PRKCE: variants seen among roughly 807,000 people sequenced by gnomAD.
PRKCE encodes protein kinase C epsilon type.
PRKCE carries 16 observed loss-of-function variants against 85.4 expected under a neutral mutation model. That is an observed-to-expected ratio of 0.19 (90% confidence interval 0.13 to 0.28). PRKCE has a LOEUF of 0.28. Among genes scored for constraint, PRKCE ranks in the 10% least tolerant of loss-of-function variants. The pLI is 1.00. For missense variants in PRKCE, 573 were observed against 975.2 expected (o/e 0.59, Z 5.49); for synonymous variants, 388 against 371.5 (o/e 1.04, Z -0.51).
intron 11 of PRKCE, among the ~76,000 whole-genome samples, chr2:46,120,644 A>G (rs570480713): frequency 8.1e-4 from 124 of 152,320 alleles, no homozygotes; most frequent in Non-Finnish European, 2.1e-4. Context: ...TAGATGATGT[A>G]GGCTTTTTTA....
At chr2:45,889,308 C>G (rs1262042522) in intron 2 of PRKCE, among the ~76,000 whole-genome samples, 5 of 152,096 alleles carry the variant, frequency 3.3e-5, no homozygotes, top group Admixed American at 1.3e-4. Flanking sequence ...GCAGCCAGGA[C>G]AGCAAAGCCC....
chr2:45,778,362 G>A (rs555435132), intron 1 of PRKCE, among the ~76,000 whole-genome samples: 2 of 152,132 alleles, frequency 1.3e-5, no homozygotes, highest in Non-Finnish European at 2.9e-5. Flanking sequence ...ATGCCTGGCC[G>A]CTTAGCTCCG....
intron 2 of PRKCE, among the ~76,000 whole-genome samples, chr2:45,891,713 G>A (rs780289785): frequency 6.6e-6 from 1 of 152,188 alleles, no homozygotes; most frequent in African/African-American, 2.4e-5. Flanking sequence ...GCCTCCAAAT[G>A]TCCGCTAGGC....
At position 45,658,083 on chromosome 2, in the gene PRKCE, A is replaced by C. The variant is rs141917538; in HGVS notation, c.348+5635A>C. 9.4e-4 allele frequency among the ~76,000 whole-genome samples: 143 copies of C among 152,304 alleles called. No individual in the cohort carries two copies. The Middle Eastern group carries it at 0.027, about 29-fold the overall frequency. ...CTGAAACCTCCATTGTCATTTAAACACAGTGGGGTGGGAAGGGACTACTAA... is the reference window on the plus strand; with the variant it reads ...CTGAAACCTCCATTGTCATTTAAACCCAGTGGGGTGGGAAGGGACTACTAA... On this transcript the variant is annotated intron_variant, in intron 1 of 14. Coordinates refer to ENST00000306156, the MANE Select transcript of PRKCE (RefSeq NM_005400.3).
At chr2:45,845,809 A>G (rs1465629306) in intron 2 of PRKCE, 1 of 152,222 alleles carries the variant, frequency 6.6e-6, no homozygotes, top group African/African-American at 2.4e-5. Context: ...TGTTTTGGCT[A>G]AACCAGCCAT....
chr2:45,732,081 C>T (rs879401477), intron 1 of PRKCE, among the ~76,000 whole-genome samples: 16 of 152,230 alleles, frequency 1.1e-4, no homozygotes, highest in South Asian at 2.1e-4. Context: ...ATACAGATGT[C>T]CTAGAGAAGG....
At chr2:45,990,228 A>G (rs894643495) in intron 6 of PRKCE, among the ~76,000 whole-genome samples, 2 of 152,212 alleles carry the variant, frequency 1.3e-5, no homozygotes, top group African/African-American at 4.8e-5. Flanking sequence ...GCTCGCCCAC[A>G]TGGCCACTGA....
rs571993006 is a variant in PRKCE at position 46,104,837 on chromosome 2, G to A, written c.1592+18475G>A. The stretch of plus-strand genomic sequence containing the variant: ...CCTTTTGTACAACCGAAAGACTGGC[G>A]GCTGGGGTTTATCTTTTCCCTTCAA... On this transcript the variant is annotated intron_variant, in intron 11 of 14. Coordinates refer to ENST00000306156, the MANE Select transcript of PRKCE (RefSeq NM_005400.3). Among the ~76,000 whole-genome samples the A allele has an allele frequency of 3.5e-4, 53 of 152,248 alleles. 1 individual carries two copies. Among genetic ancestry groups the A allele is most frequent in the African/African-American group, 1.1e-3 (45 of 41,558 alleles).
intron 1 of PRKCE, among the ~76,000 whole-genome samples, chr2:45,683,542 T>A (rs926730175): frequency 2.0e-5 from 3 of 152,152 alleles, no homozygotes; most frequent in African/African-American, 7.2e-5. Context: ...GAGAGGATGC[T>A]GAAGGATTTT....
intron 1 of PRKCE, among the ~76,000 whole-genome samples, chr2:45,711,285 C>G (rs572333465): frequency 9.9e-5 from 15 of 152,224 alleles, no homozygotes; most frequent in Non-Finnish European, 1.5e-4. Flanking sequence ...CTGCAAGGTA[C>G]TTTCCACAGT....
Position 46,041,356 on chromosome 2 carries a change from T to C in PRKCE, c.1437+30839T>C, listed in dbSNP as rs1232075266. Among the ~76,000 whole-genome samples the C allele has an allele frequency of 1.3e-5, 2 of 152,248 alleles. No individual in the cohort carries two copies. The highest frequency in any genetic ancestry group is 2.9e-5 in the Non-Finnish European group (2 of 68,048). ...CATAAGTCAATATCTGATGCTTTGA[T>C]TTTCTTAAGTCATGTATATTTATAG... On this transcript the variant is annotated intron_variant, in intron 10 of 14. Transcript: ENST00000306156. This position sits in a 1 kb window ranked among gnomAD's most constrained non-coding sequence, Gnocchi z 5.5.
intron 1 of PRKCE, among the ~76,000 whole-genome samples, chr2:45,727,914 A>T (rs1312683221): frequency 1.3e-5 from 2 of 152,108 alleles, no homozygotes; most frequent in African/African-American, 4.8e-5. Flanking sequence ...CGGCCTCCCA[A>T]AGTGCTGAGA....
chr2:46,109,930 A>T (rs1672099407), intron 11 of PRKCE, among the ~76,000 whole-genome samples: 1 of 152,146 alleles, frequency 6.6e-6, no homozygotes, highest in South Asian at 2.1e-4. Context: ...ATTTTGTAAG[A>T]TGCTTCATCT....
At position 45,836,343 on chromosome 2, in the gene PRKCE, T is replaced by C. The variant is rs189296392; in HGVS notation, c.349-6657T>C. 1.2e-4 allele frequency among the ~76,000 whole-genome samples: 19 copies of C among 152,366 alleles called. No homozygotes were observed. In the East Asian group the frequency reaches 3.1e-3, roughly 25 times the overall value. ...AGAATCTTGAACATATTTGATTACA[T>C]GTGTACTCTCTGCTTTTTGACCAGT... On this transcript the variant is annotated intron_variant, in intron 1 of 14. Coordinates refer to ENST00000306156, the MANE Select transcript of PRKCE (RefSeq NM_005400.3).
At chr2:46,110,746 G>C (rs1163770404) in intron 11 of PRKCE, among the ~76,000 whole-genome samples, 1 of 151,124 alleles carries the variant, frequency 6.6e-6, no homozygotes, top group African/African-American at 2.4e-5. Flanking sequence ...GGTTTAAATT[G>C]CTCTTCTTTT....
chr2:45,955,548 G>A (rs950522778), intron 2 of PRKCE, among the ~76,000 whole-genome samples: 5 of 152,180 alleles, frequency 3.3e-5, no homozygotes, highest in African/African-American at 1.2e-4. Context: ...TGCTGGGCTG[G>A]TGGTACTAAC....
chr2:45,686,609 G>A (rs1476249260), intron 1 of PRKCE, among the ~76,000 whole-genome samples: 1 of 152,094 alleles, frequency 6.6e-6, no homozygotes, highest in East Asian at 1.9e-4. Flanking sequence ...TAGAATGGAA[G>A]CAAATGCTTC....
At chr2:46,037,649 C>T (rs934601177) in intron 10 of PRKCE, among the ~76,000 whole-genome samples, 8 of 152,140 alleles carry the variant, frequency 5.3e-5, no homozygotes, top group African/African-American at 1.2e-4. Context: ...AGAAAACAAC[C>T]GCAACTCCCA....
chr2:46,163,863 G>C (rs1230051456), intron 14 of PRKCE, among the ~76,000 whole-genome samples: 1 of 144,640 alleles, frequency 6.9e-6, no homozygotes, highest in Non-Finnish European at 1.5e-5. Context: ...AAGCTGAGGT[G>C]CACCCCACAG....
Sources: gnomAD v4.1 joint callset for allele counts (sites outside exome capture counted in the v4.1 genomes callset) on GRCh38, gnomAD v4.1.1 for gene constraint, Gnocchi (gnomAD v3.1) non-coding constraint, MANE v1.5 for transcripts, NCBI Gene and HGNC (gene_info 2026-07-23, HGNC 2026-07-21) for gene names.